SCNN1A: variants seen among roughly 807,000 people sequenced by gnomAD.
SCNN1A encodes the protein sodium channel epithelial 1 subunit alpha.
In SCNN1A, 65 loss-of-function variants were observed where a neutral mutation model predicts 68.6. That is an observed-to-expected ratio of 0.95 (90% CI 0.78 to 1.16). The LOEUF is 1.16. SCNN1A is among the 50% of genes most tolerant of loss of function. The pLI is 0.00. For missense variants in SCNN1A, 880 were observed against 865.9 expected (o/e 1.02, Z -0.20); for synonymous variants, 357 against 353.3 (o/e 1.01, Z -0.12).
chr12:6,349,460 C>G, intron 8 of SCNN1A, 55 bp from the exon 9 acceptor site: 1 of 1,318,798 alleles, frequency 7.6e-7, no homozygotes, highest in Non-Finnish European at 1.1e-6. Flanking sequence ...TTCTCTACCC[C>G]ACACCCAAGA....
In SCNN1A at chr12:6,354,755, G is replaced by C. The variant is rs983949899; in HGVS notation, c.1237C>G (p.Gln413Glu). ...VENLYPSKYTQQVCIHSCFQE... is the reference protein window; with the variant it reads ...VENLYPSKYTEQVCIHSCFQE... Reference sequence around the variant, plus strand: ...GGAATCAGGTTGGGCCTCACCTGCTGTGTGTACTTTGAAGGGTAAAGGTTC... The same window carrying C: ...GGAATCAGGTTGGGCCTCACCTGCTCTGTGTACTTTGAAGGGTAAAGGTTC... Residue 413 changes from glutamine to glutamate, a missense_variant, in exon 7 of 13, where the codon CAG (glutamine) becomes GAG (glutamate). By Grantham distance (29) the Gln-to-Glu change is conservative. Coordinates refer to ENST00000228916, the MANE Select transcript of SCNN1A (RefSeq NM_001038.6). 8 of 1,613,196 alleles carry C rather than the reference G, an allele frequency of 5.0e-6. No homozygotes were observed. Among genetic ancestry groups the C allele is most frequent in the Non-Finnish European group, 8.5e-7 (1 of 1,179,380 alleles).
Position 6,355,322 on chromosome 12 carries a change from C to A in SCNN1A, c.1093G>T (p.Gly365Cys). The A allele has an allele frequency of 6.2e-7, 1 of 1,613,858 alleles. No individual in the cohort carries two copies. Among genetic ancestry groups the A allele is most frequent in the Non-Finnish European group, 8.5e-7 (1 of 1,179,912 alleles). ...GQDEPAFMDD[G>C]GFNLRPGVET... ...ACGCCAGGCCGCAAGTTAAAGCCAC[C>A]ATCATCCATAAAGGCAGGTTCATCC... Residue 365 changes from glycine (G) to cysteine (C), a missense_variant, in exon 6 of 13, where the codon GGT becomes TGT. Gly to Cys is a radical substitution (Grantham distance 159, BLOSUM62 -3). Transcript: ENST00000228916.
intron 9 of SCNN1A, 23 bp from the exon 10 acceptor site, chr12:6,349,244 A>C: frequency 6.2e-7 from 1 of 1,614,096 alleles, no homozygotes; most frequent in Non-Finnish European, 8.5e-7. Context: ...AAAGGTGCTC[A>C]GTGTTGGGGC....
chr12:6,349,486 C>T (rs1297511906), intron 8 of SCNN1A, 81 bp from the exon 9 acceptor site: 22 of 945,288 alleles, frequency 2.3e-5, no homozygotes, highest in Non-Finnish European at 6.7e-6. Context: ...CCCAAGATCC[C>T]TGGGTACCCA....
rs1948852422 is a variant in SCNN1A, at chr12:6,374,237, G to T, written c.416+131C>A. Reference sequence around the variant, plus strand: ...AGGCTCCTCATTTTGCCAGCAGTGAGCTCTACCTGGGACAGGGGTGTCAGT... The same window carrying T: ...AGGCTCCTCATTTTGCCAGCAGTGATCTCTACCTGGGACAGGGGTGTCAGT... On this transcript the variant is annotated intron_variant, in intron 2 of 12. Coordinates refer to ENST00000228916, the MANE Select transcript of SCNN1A (RefSeq NM_001038.6). This position sits in a 1 kb window ranked among gnomAD's most constrained non-coding sequence, Gnocchi z 6.2. 3.8e-5 allele frequency: 39 copies of T among 1,027,366 alleles called. No individual in the cohort carries two copies. Among genetic ancestry groups the T allele is most frequent in the Non-Finnish European group, 5.3e-5 (37 of 701,304 alleles). 63.6% of individuals were successfully genotyped at this position (1,027,366 alleles called of 1,614,324 possible). A position where few individuals can be genotyped will look rare whatever the true frequency, so the allele number is the denominator to read the frequency against.
chr12:6,354,209 T>C lies in SCNN1A; in HGVS notation c.1360+229A>G, dbSNP rs544511018. 7.2e-4 allele frequency among the ~76,000 whole-genome samples: 109 copies of C among 151,500 alleles called. No homozygotes were observed. In the Middle Eastern group the frequency reaches 0.01, roughly 14 times the overall value. On this transcript the variant is annotated intron_variant, in intron 8 of 12. Coordinates refer to ENST00000228916, the MANE Select transcript of SCNN1A (RefSeq NM_001038.6). ...TCGCGCCACTGCTCTCCAGCCTGGG[T>C]GACAGAGCGAGACTCCATTTCAAAA...
intron 12 of SCNN1A, 60 bp from the exon 13 acceptor site, chr12:6,348,313 G>A (rs1264987652): frequency 8.7e-6 from 14 of 1,611,602 alleles, no homozygotes; most frequent in Non-Finnish European, 1.2e-5. Context: ...CTCTGGCAGA[G>A]GAGCCCCCTT....
At position 6,349,278 on chromosome 12, in the gene SCNN1A, C is replaced by A. The variant is rs781285684; in HGVS notation, c.1439+49G>T. 9.9e-6 allele frequency: 16 copies of A among 1,613,062 alleles called. No homozygotes were observed. In the African/African-American group the frequency reaches 1.9e-4, roughly 19 times the overall value. On this transcript the variant is annotated intron_variant, in intron 9 of 12. Transcript: ENST00000228916. The stretch of plus-strand genomic sequence containing the variant: ...GCAGAGCTCTCCCAAATGCTTGGCT[C>A]GGTAACCTGTATTCTACCCAACCTG...
At chr12:6,354,725 G>C (rs1434345388) in intron 7 of SCNN1A, 25 bp downstream of exon 7, 1 of 1,595,836 alleles carries the variant, frequency 6.3e-7, no homozygotes, top group Admixed American at 1.7e-5. Context: ...GGGAGTGGCT[G>C]CCACGGAATC....
rs1948806762 is a variant in SCNN1A at position 6,372,262 on chromosome 12, C to T, written c.416+2106G>A. ...GAATAATACTGCCCACCTCCCTGGA[C>T]TTGTCAGTATTAAATGAGAGAGTGT... On this transcript the variant is annotated intron_variant, in intron 2 of 12. Transcript: ENST00000228916. The surrounding 1 kb of genome is among the most constrained non-coding windows in gnomAD (Gnocchi z 5.8). 6.6e-6 allele frequency among the ~76,000 whole-genome samples: 1 copy of T among 152,212 alleles called. No homozygotes were observed. The highest frequency in any genetic ancestry group is 2.1e-4 in the South Asian group (1 of 4,832).
intron 2 of SCNN1A, among the ~76,000 whole-genome samples, chr12:6,369,703 G>A (rs1033919205): frequency 1.3e-5 from 2 of 151,982 alleles, no homozygotes; most frequent in African/African-American, 4.8e-5. Context: ...GCATGGTGGT[G>A]GGCGCCTGTA....
In SCNN1A at chr12:6,372,728, T is replaced by TA. The variant is rs1555114867; in HGVS notation, c.416+1639dup. Among the ~76,000 whole-genome samples the TA allele has an allele frequency of 6.6e-6, 1 of 152,004 alleles. No individual in the cohort carries two copies. The highest frequency in any genetic ancestry group is 6.6e-5 in the Admixed American group (1 of 15,264). On this transcript the variant is annotated intron_variant, in intron 2 of 12. Transcript: ENST00000228916. The surrounding 1 kb of genome is among the most constrained non-coding windows in gnomAD (Gnocchi z 5.8). ...TGGGTCCCTCCCCTCCACCAAGGCC[T>TA]AAAGGGGTGAAGATGTCTGCAGGCA...
intron 8 of SCNN1A, among the ~76,000 whole-genome samples, chr12:6,350,844 T>TA (rs557051911): frequency 6.6e-6 from 1 of 150,682 alleles, no homozygotes; most frequent in Non-Finnish European, 1.5e-5. Context: ...TCAAAATAAA[T>TA]AATAAATAAA....
At chr12:6,356,001 G>A (rs766240474) in intron 4 of SCNN1A, 121 bp from the exon 5 acceptor site, 2 of 787,274 alleles carry the variant, frequency 2.5e-6, no homozygotes, top group Non-Finnish European at 2.3e-6. Context: ...GCCTTTCAGA[G>A]CCATTTGTTT....
Position 6,374,986 on chromosome 12 carries a change from C to T in SCNN1A, c.-54-149G>A, listed in dbSNP as rs1592089793. On this transcript the variant is annotated intron_variant, in intron 1 of 12. Coordinates refer to ENST00000228916, the MANE Select transcript of SCNN1A (RefSeq NM_001038.6). This position sits in a 1 kb window ranked among gnomAD's most constrained non-coding sequence, Gnocchi z 6.2. ...GTCCCACCCTGCGCCCACATTCTCCCACTCCTCCCTCCCTCCTCCACCTTT... is the reference window on the plus strand; with the variant it reads ...GTCCCACCCTGCGCCCACATTCTCCTACTCCTCCCTCCCTCCTCCACCTTT... The T allele has an allele frequency of 2.6e-6, 4 of 1,553,110 alleles. No homozygotes were observed. The highest frequency in any genetic ancestry group is 2.6e-6 in the Non-Finnish European group (3 of 1,148,694).
At position 6,374,456 on chromosome 12, in the gene SCNN1A, AG is replaced by A; in HGVS notation, c.327del (p.Phe110SerfsTer21). On this transcript the variant is annotated frameshift_variant, in exon 2 of 13. Transcript: ENST00000228916. LOFTEE classifies it high-confidence loss of function. The surrounding 1 kb of genome is among the most constrained non-coding windows in gnomAD (Gnocchi z 6.2). ...YWQFGLLFGEYFSYPVSLNIN... is the reference protein window; with the variant it reads ...YWQFGLLFGEXFSYPVSLNIN... ...ATGTTGAGGCTGACGGGGTAGCTGA[AG>A]TACTCTCCGAAAAGCAGGCCGAATT... 6.2e-7 allele frequency: 1 copy of A among 1,614,230 alleles called. No individual in the cohort carries two copies. Among genetic ancestry groups the A allele is most frequent in the Non-Finnish European group, 8.5e-7 (1 of 1,180,038 alleles).
intron 2 of SCNN1A, among the ~76,000 whole-genome samples, chr12:6,366,244 G>A (rs947388607): frequency 1.3e-5 from 2 of 152,088 alleles, no homozygotes; most frequent in Non-Finnish European, 2.9e-5. Context: ...CAATCTGGAA[G>A]TTCCTCAAAA....
intron 8 of SCNN1A, among the ~76,000 whole-genome samples, chr12:6,354,058 G>A (rs1004766450): frequency 6.6e-5 from 10 of 151,012 alleles, no homozygotes; most frequent in South Asian, 2.1e-4. Flanking sequence ...GTGAAACCCC[G>A]TCTCTACTAA....
In SCNN1A at chr12:6,354,046, G is replaced by C. The variant is rs557575645; in HGVS notation, c.1360+392C>G. On this transcript the variant is annotated intron_variant, in intron 8 of 12. Coordinates refer to ENST00000228916, the MANE Select transcript of SCNN1A (RefSeq NM_001038.6). ...GAGATTGAGACCATCCTGGCTAACA[G>C]GGTGAAACCCCGTCTCTACTAAAAA... is the stretch of plus-strand genomic sequence containing the variant. Among the ~76,000 whole-genome samples the C allele has an allele frequency of 2.3e-4, 35 of 150,744 alleles. 1 individual carries two copies. Among genetic ancestry groups the C allele is most frequent in the African/African-American group, 6.1e-4 (25 of 41,136 alleles).
Sources: allele counts gnomAD v4.1 joint callset (sites outside exome capture counted in the v4.1 genomes callset), GRCh38; gene constraint gnomAD v4.1.1; non-coding constraint Gnocchi (gnomAD v3.1); transcripts MANE v1.5; gene names NCBI Gene and HGNC (gene_info 2026-07-23, HGNC 2026-07-21).